The following ART3 variants were observed in gnomAD, a reference collection of about 807,000 sequenced individuals.
The protein encoded by ART3 is ecto-ADP-ribosyltransferase 3.
Under a neutral mutation model 48.5 loss-of-function variants are expected in ART3, and 49 were observed. The ratio of observed to expected loss-of-function variants is 1.01; its 90% CI spans 0.80 to 1.28. The LOEUF is 1.28. ART3 is among the 50% of genes most tolerant of loss of function. The probability of loss-of-function intolerance (pLI) is 0.00; values close to 1 mark genes in which losing one functional copy is unlikely to be tolerated. For synonymous variants in ART3, 145 were observed against 157.2 expected (o/e 0.92, Z 0.58); for missense variants, 438 against 454.3 (o/e 0.96, Z 0.33).
chr4:76,060,552 C>T (rs1171981883), intron 1 of ART3, among the ~76,000 whole-genome samples: 4 of 152,168 alleles, frequency 2.6e-5, no homozygotes, highest in African/African-American at 9.7e-5. Flanking sequence ...CAAAGATTTC[C>T]ATGCCCTAAT....
rs1356175246 is a variant in ART3, at chr4:76,098,969, A to G, written c.829A>G (p.Ile277Val). ...CIENLEYFQP[I>V]YVYNPGEKNQ... ...CTGTATTTCAGAATATTTTCAACCC[A>G]TCTATGTCTACAACCCTGGTGAGTA... Residue 277 changes from isoleucine (I) to valine (V), a missense_variant, in exon 5 of 12, where the codon ATC (isoleucine) becomes GTC (valine). Ile to Val is a conservative substitution (Grantham distance 29). This residue lies in a region of ART3 where 227 missense variants were observed against 229.6 expected (regional missense o/e 0.99). Coordinates refer to ENST00000355810, the MANE Select transcript of ART3 (RefSeq NM_001130016.3). 2.5e-6 allele frequency: 4 copies of G among 1,609,418 alleles called. No homozygotes were observed. Among genetic ancestry groups the G allele is most frequent in the South Asian group, 1.1e-5 (1 of 90,976 alleles).
At chr4:76,080,577 C>T (rs78626336) in intron 2 of ART3, among the ~76,000 whole-genome samples, 1,845 of 152,164 alleles carry the variant, frequency 0.012, 42 homozygotes, top group African/African-American at 0.042. Flanking sequence ...GTGGTGCAGT[C>T]TCCGCTCCCT....
chr4:76,093,348 G>C (rs1406724020), intron 3 of ART3, among the ~76,000 whole-genome samples: 1 of 152,160 alleles, frequency 6.6e-6, no homozygotes, highest in Non-Finnish European at 1.5e-5. Context: ...AGGATTGCTT[G>C]AGCCCAAGAG....
chr4:76,046,417 C>T (rs4524415), intron 1 of ART3, among the ~76,000 whole-genome samples: 93,657 of 151,794 alleles, frequency 0.62, 30,247 homozygotes, highest in East Asian at 0.94. Context: ...ACTGACTGTT[C>T]GGTTTTTGTA....
At chr4:76,101,451 A>G (rs917184247) in intron 8 of ART3, among the ~76,000 whole-genome samples, 7 of 152,170 alleles carry the variant, frequency 4.6e-5, no homozygotes, top group Non-Finnish European at 7.3e-5. Context: ...ATCCTCAAGT[A>G]TTTGTTTTTG....
chr4:76,021,702 A>AT, intron 1 of ART3: 4 of 550,804 alleles, frequency 7.3e-6, no homozygotes, highest in Non-Finnish European at 1.3e-5. Flanking sequence ...CTTACATTAT[A>AT]GTGCCAGGGT....
chr4:76,048,306 T>G (rs1268752667), intron 1 of ART3, among the ~76,000 whole-genome samples: 1 of 151,914 alleles, frequency 6.6e-6, no homozygotes, highest in Non-Finnish European at 1.5e-5. Flanking sequence ...TATTATAATT[T>G]GTACTTCCCT....
intron 1 of ART3, among the ~76,000 whole-genome samples, chr4:76,053,902 T>C (rs1251266399): frequency 6.6e-6 from 1 of 152,254 alleles, no homozygotes; most frequent in Non-Finnish European, 1.5e-5. Flanking sequence ...GCTCTGTGCA[T>C]GGCCTTTAGT....
At chr4:76,061,968 G>A (rs968532892) in intron 1 of ART3, among the ~76,000 whole-genome samples, 1 of 152,214 alleles carries the variant, frequency 6.6e-6, no homozygotes, top group African/African-American at 2.4e-5. Context: ...ATTTTAGATG[G>A]CAATGTTTCT....
intron 3 of ART3, among the ~76,000 whole-genome samples, chr4:76,089,073 G>T (rs896298510): frequency 6.6e-6 from 1 of 152,024 alleles, no homozygotes; most frequent in African/African-American, 2.4e-5. Flanking sequence ...TGAAAAAATA[G>T]CACATACTTT....
intron 8 of ART3, among the ~76,000 whole-genome samples, chr4:76,102,034 G>C (rs925551520): frequency 6.6e-6 from 1 of 151,962 alleles, no homozygotes; most frequent in Non-Finnish European, 1.5e-5. Context: ...AGATCAATTG[G>C]CTTTATTTGA....
At chr4:76,109,646 C>T (rs1212926359) in intron 11 of ART3, among the ~76,000 whole-genome samples, 1 of 152,144 alleles carries the variant, frequency 6.6e-6, no homozygotes, top group African/African-American at 2.4e-5. Flanking sequence ...ATCATCACCC[C>T]AAACACGTAA....
intron 1 of ART3, among the ~76,000 whole-genome samples, chr4:76,061,983 T>A (rs1447111807): frequency 1.3e-5 from 2 of 152,242 alleles, no homozygotes; most frequent in Admixed American, 1.3e-4. Context: ...GTTTCTGGAA[T>A]AGTTTGAGGG....
At chr4:76,046,344 G>A (rs1735498311) in intron 1 of ART3, among the ~76,000 whole-genome samples, 1 of 152,088 alleles carries the variant, frequency 6.6e-6, no homozygotes, top group South Asian at 2.1e-4. Context: ...TAGGGGTTGG[G>A]TACAACTGGA....
At chr4:76,049,507 A>G (rs1735827220) in intron 1 of ART3, among the ~76,000 whole-genome samples, 1 of 151,874 alleles carries the variant, frequency 6.6e-6, no homozygotes, top group Non-Finnish European at 1.5e-5. Flanking sequence ...TTCTAGGCAA[A>G]CCAACGGTCC....
At chr4:76,040,438 A>ACACACACACACACGCG (rs756601836) in intron 1 of ART3, among the ~76,000 whole-genome samples, 69 of 64,546 alleles carry the variant, frequency 1.1e-3, no homozygotes, top group Middle Eastern at 9.6e-3. Context: ...TACACTGGAT[A>ACACACACACACACGCG]CACACACACA....
At chr4:76,068,663 A>C (rs61202788) in intron 1 of ART3, among the ~76,000 whole-genome samples, 8 of 64,772 alleles carry the variant, frequency 1.2e-4, no homozygotes, top group East Asian at 5.7e-4. Flanking sequence ...GATAGAGGAT[A>C]AAAAAAAAAA....
intron 3 of ART3, among the ~76,000 whole-genome samples, chr4:76,093,745 T>C (rs1725423292): frequency 6.6e-6 from 1 of 152,234 alleles, no homozygotes; most frequent in Non-Finnish European, 1.5e-5. Flanking sequence ...TTTTCTTCAG[T>C]GTCTAGTTTG....
chr4:76,039,279 T>C (rs915552329), intron 1 of ART3, among the ~76,000 whole-genome samples: 3 of 152,134 alleles, frequency 2.0e-5, no homozygotes, highest in Non-Finnish European at 2.9e-5. Flanking sequence ...TTTGTATTTT[T>C]AGTAGAGATG....
Sources: allele counts gnomAD v4.1 joint callset (sites outside exome capture counted in the v4.1 genomes callset), GRCh38; gene constraint gnomAD v4.1.1; regional missense constraint gnomAD v4.1.1; transcripts MANE v1.5; gene names NCBI Gene and HGNC (gene_info 2026-07-23, HGNC 2026-07-21).